MZT2A: variants seen among roughly 807,000 people sequenced by gnomAD.
MZT2A encodes the protein mitotic spindle organizing protein 2A, also known as mitotic-spindle organizing protein 2A.
MZT2A carries 8 observed loss-of-function variants against 12.4 expected under a neutral mutation model. That is an observed-to-expected ratio of 0.64 (90% confidence interval 0.38 to 1.16). MZT2A has a LOEUF of 1.16. Ranked by LOEUF, MZT2A falls within the 50% of genes most tolerant of loss-of-function variation. The pLI is 0.01. For missense variants in MZT2A, 181 were observed against 223.6 expected, an observed-to-expected ratio of 0.81 and a Z score of 1.22; for synonymous variants, 88 against 107.5, an observed-to-expected ratio of 0.82 and a Z score of 1.12.
At chr2:131,488,779 G>A (rs376768070) in intron 2 of MZT2A, among the ~76,000 whole-genome samples, 16 of 151,368 alleles carry the variant, frequency 1.1e-4, no homozygotes, top group African/African-American at 3.6e-4. Context: ...CCCTCATGTC[G>A]TGGCTTTCTG....
intron 2 of MZT2A, among the ~76,000 whole-genome samples, chr2:131,487,051 G>A (rs746932438): frequency 2.6e-5 from 4 of 152,148 alleles, no homozygotes; most frequent in Non-Finnish European, 5.9e-5. Flanking sequence ...TGAGTCAGAC[G>A]GGCTAGACAG....
chr2:131,492,283 C>A lies in MZT2A; in HGVS notation c.94G>T (p.Val32Leu). Residue 32 changes from valine (V) to leucine (L), a missense_variant, in exon 1 of 3, where the codon GTG (valine) becomes TTG (leucine). Transcript: ENST00000309451. ...AGCTCCATCTCCTCGGTGCTCAGCA[C>A]CTTCTTGCGCCGCAGCGCCAGCTTC... ...RQKLALRRKK[V>L]LSTEEMELYE... 6.4e-7 allele frequency: 1 copy of A among 1,564,816 alleles called. No homozygotes were observed. The highest frequency in any genetic ancestry group is 2.1e-4 in the Middle Eastern group (1 of 4,692).
chr2:131,480,668 C>T (rs2104725870), downstream of MZT2A: 1 of 1,613,878 alleles, frequency 6.2e-7, no homozygotes, highest in Non-Finnish European at 8.5e-7. Context: ...ACGTGGTCCC[C>T]AAAGACGTCA....
intron 2 of MZT2A, 32 bp from the exon 3 acceptor site, chr2:131,484,250 T>G: frequency 6.2e-7 from 1 of 1,605,442 alleles, no homozygotes; most frequent in Non-Finnish European, 8.5e-7. Context: ...TGATTAGGAA[T>G]GGACGCGCCC....
chr2:131,484,901 GTTTC>G (rs796792617), intron 2 of MZT2A, among the ~76,000 whole-genome samples: 3 of 152,280 alleles, frequency 2.0e-5, no homozygotes, highest in African/African-American at 4.8e-5. Context: ...CAGGTTCAGA[GTTTC>G]TTTGATTTGT....
At position 131,484,336 on chromosome 2, in the gene MZT2A, A is replaced by C. The variant is rs1300202992; in HGVS notation, c.320-118T>G. 2.1e-6 allele frequency: 3 copies of C among 1,462,952 alleles called. No homozygotes were observed. The South Asian group carries it at 4.1e-5, about 20-fold the overall frequency. The allele number at this position is 1,462,952 out of a possible 1,614,324, so 90.6% of individuals were successfully genotyped here. On this transcript the variant is annotated intron_variant, in intron 2 of 2. Coordinates refer to ENST00000309451, the MANE Select transcript of MZT2A (RefSeq NM_001085365.2). ...TACACATTTCCATCAAAGTCGCTTC[A>C]GCTAGAGGCCCTGCATCAGCCCCAA...
chr2:131,484,306 G>A (rs1480186628), intron 2 of MZT2A, 88 bp from the exon 3 acceptor site: 3 of 1,557,126 alleles, frequency 1.9e-6, no homozygotes, highest in Non-Finnish European at 2.6e-6. Flanking sequence ...GGCAACATTT[G>A]TGTCTACACA....
At chr2:131,483,665 A>G (rs1317067282), downstream of MZT2A, among the ~76,000 whole-genome samples, 1 of 152,210 alleles carries the variant, frequency 6.6e-6, no homozygotes, top group Non-Finnish European at 1.5e-5. Context: ...TAGTGAGCCA[A>G]GATCGCACTA....
chr2:131,493,529 G>A (rs1233946833), upstream of MZT2A, among the ~76,000 whole-genome samples: 1 of 152,182 alleles, frequency 6.6e-6, no homozygotes, highest in African/African-American at 2.4e-5. Context: ...ACATCTCCGA[G>A]CCTTGGTTTC....
At chr2:131,490,286 C>A (rs1679235128) in intron 2 of MZT2A, 2 of 1,007,318 alleles carry the variant, frequency 2.0e-6, no homozygotes, top group South Asian at 5.9e-5. Context: ...CACTGCCTGG[C>A]AGACTCTGGG....
intron 2 of MZT2A, chr2:131,491,167 C>T (rs188187454): frequency 1.9e-5 from 10 of 535,440 alleles, no homozygotes; most frequent in African/African-American, 1.3e-4. Flanking sequence ...AAGCAACATG[C>T]GGAGAGGATG....
downstream of MZT2A, chr2:131,480,799 A>T (rs764346577): frequency 6.3e-7 from 1 of 1,581,294 alleles, no homozygotes; most frequent in Non-Finnish European, 8.6e-7. Context: ...GATGCACAAA[A>T]TAACACTGGC....
In MZT2A at chr2:131,484,013, C is replaced by T. The variant is rs1559354034; in HGVS notation, c.*48G>A. On this transcript the variant is annotated 3_prime_UTR_variant, in exon 3 of 3. Coordinates refer to ENST00000309451, the MANE Select transcript of MZT2A (RefSeq NM_001085365.2). ...GTTTATTATCAACTGAAGGAGGTAA[C>T]ATGTAGCCTTTGCTGGGGACAAAGA... The T allele has an allele frequency of 1.3e-6, 2 of 1,569,990 alleles. No homozygotes were observed. Among genetic ancestry groups the T allele is most frequent in the African/African-American group, 2.7e-5 (2 of 73,344 alleles).
intron 4 of MZT2A, chr2:131,469,808 C>CCACTTTT (rs1390873773): frequency 6.8e-5 from 9 of 131,494 alleles, no homozygotes; most frequent in African/African-American, 3.5e-4. Context: ...TCCTCCCCCC[C>CCACTTTT]TTTTTTTTTT....
At chr2:131,487,594 A>G (rs1399696429) in intron 2 of MZT2A, among the ~76,000 whole-genome samples, 2 of 152,252 alleles carry the variant, frequency 1.3e-5, no homozygotes, top group Non-Finnish European at 2.9e-5. Flanking sequence ...ATTATTCATA[A>G]GATGTTGCAT....
chr2:131,481,758 G>A (rs1464486682), downstream of MZT2A, among the ~76,000 whole-genome samples: 1 of 152,134 alleles, frequency 6.6e-6, no homozygotes, highest in Non-Finnish European at 1.5e-5. Context: ...AGTAGAGATG[G>A]GGTTTCGCCA....
At chr2:131,492,569 C>G (rs1024225932), upstream of MZT2A, 3 of 1,181,406 alleles carry the variant, frequency 2.5e-6, no homozygotes, top group Admixed American at 4.5e-5. Flanking sequence ...GTGTGCTGAG[C>G]GGCGCGCTAG....
intron 2 of MZT2A, among the ~76,000 whole-genome samples, chr2:131,472,624 G>A (rs1008932509): frequency 3.3e-5 from 5 of 152,170 alleles, no homozygotes; most frequent in Non-Finnish European, 7.3e-5. Context: ...TAGCTTTTCT[G>A]TGTTTAGATA....
intron 2 of MZT2A, among the ~76,000 whole-genome samples, chr2:131,477,310 T>C (rs941048546): frequency 2.6e-5 from 4 of 152,074 alleles, no homozygotes; most frequent in Admixed American, 2.6e-4. Flanking sequence ...GCTGGGATTA[T>C]AGGAATGAGC....
Sources: gnomAD v4.1 joint callset for allele counts (sites outside exome capture counted in the v4.1 genomes callset) on GRCh38, gnomAD v4.1.1 for gene constraint, MANE v1.5 for transcripts, NCBI Gene and HGNC (gene_info 2026-07-23, HGNC 2026-07-21) for gene names.